The following RBMS1 variants were observed in gnomAD, a reference collection of about 807,000 sequenced individuals.
RBMS1 encodes RNA binding motif single stranded interacting protein 1, also known as RNA-binding motif, single-stranded-interacting protein 1.
RBMS1 carries 17 observed loss-of-function variants against 62.3 expected under a neutral mutation model. The observed-to-expected ratio is 0.27, with a 90% CI of 0.19 to 0.41. The LOEUF (loss-of-function observed/expected upper bound fraction) is 0.41. Ranked by LOEUF, RBMS1 falls within the 10% of genes least tolerant of loss-of-function variation. The probability of loss-of-function intolerance (pLI) is 1.00; values close to 1 mark genes in which losing one functional copy is unlikely to be tolerated. For missense variants in RBMS1, 334 were observed against 504.5 expected (o/e 0.66, Z 3.24); for synonymous variants, 172 against 170.0 (o/e 1.01, Z -0.09).
Position 160,315,942 on chromosome 2 carries a change from G to A in RBMS1, c.310+2227C>T, listed in dbSNP as rs564042166. Among the ~76,000 whole-genome samples, 118 of 152,118 alleles carry A rather than the reference G, an allele frequency of 7.8e-4. 1 individual carries two copies. The highest frequency in any genetic ancestry group is 1.3e-3 in the Non-Finnish European group (90 of 67,974). On this transcript the variant is annotated intron_variant, in intron 3 of 13. Transcript: ENST00000348849. ...TACATGTTCCAAAAATATGTTTTGTGGCAAAAAATGTTCTGTAACCCTCTA... is the reference window on the plus strand; with the variant it reads ...TACATGTTCCAAAAATATGTTTTGTAGCAAAAAATGTTCTGTAACCCTCTA...
At chr2:160,493,146 G>T (rs1685923967) in intron 1 of RBMS1, 143 bp downstream of exon 1, 7 of 805,204 alleles carry the variant, frequency 8.7e-6, no homozygotes, top group Non-Finnish European at 1.3e-5. Context: ...CTCTGCCCAG[G>T]CCAGCGCTAT....
At chr2:160,479,005 TG>T (rs1163195469) in intron 1 of RBMS1, among the ~76,000 whole-genome samples, 2 of 152,174 alleles carry the variant, frequency 1.3e-5, no homozygotes, top group African/African-American at 4.8e-5. Flanking sequence ...ACGAAAGGGT[TG>T]GCTTCAACAG....
At chr2:160,453,610 C>T (rs541486525) in intron 1 of RBMS1, among the ~76,000 whole-genome samples, 2 of 152,250 alleles carry the variant, frequency 1.3e-5, no homozygotes, top group Non-Finnish European at 2.9e-5. Flanking sequence ...CCTCACTCAA[C>T]AATGCATTGC....
intron 1 of RBMS1, among the ~76,000 whole-genome samples, chr2:160,374,950 G>A (rs1051129362): frequency 2.6e-5 from 4 of 151,716 alleles, no homozygotes; most frequent in African/African-American, 4.8e-5. Context: ...ACGGTGGGGG[G>A]GAGGAATTGA....
intron 1 of RBMS1, among the ~76,000 whole-genome samples, chr2:160,422,201 G>C (rs2105270986): frequency 6.6e-6 from 1 of 152,258 alleles, no homozygotes; most frequent in African/African-American, 2.4e-5. Flanking sequence ...TTCTTCTAAT[G>C]CCCACCTTTT....
chr2:160,337,237 G>A lies in RBMS1; in HGVS notation c.252-19010C>T, dbSNP rs912095232. ...CAACCTCCACCTCCTGGGTTCAAGC[G>A]ATCCTCCTGCCTCAGCCTCCTGAAT... On this transcript the variant is annotated intron_variant, in intron 2 of 13. Coordinates refer to ENST00000348849, the MANE Select transcript of RBMS1 (RefSeq NM_016836.4). 2.7e-5 allele frequency among the ~76,000 whole-genome samples: 4 copies of A among 150,622 alleles called. No individual in the cohort carries two copies. The East Asian group carries it at 7.9e-4, about 30-fold the overall frequency.
At chr2:160,349,839 GA>G (rs1692395369) in intron 2 of RBMS1, among the ~76,000 whole-genome samples, 1 of 147,212 alleles carries the variant, frequency 6.8e-6, no homozygotes, top group African/African-American at 2.5e-5. Flanking sequence ...TGGGGGGGTG[GA>G]GGGGGGTTGA....
rs1687785336 is a variant in RBMS1, at chr2:160,275,475, T to C, written c.*7+155A>G. ...ATTAATCTTAAATTCATAAAATCAC[T>C]GATTTTAATATTTCAACAAGACTAG... On this transcript the variant is annotated intron_variant, in intron 13 of 13. Coordinates refer to ENST00000348849, the MANE Select transcript of RBMS1 (RefSeq NM_016836.4). 4 of 1,298,656 alleles carry C rather than the reference T, an allele frequency of 3.1e-6. No homozygotes were observed. In the East Asian group the frequency reaches 1.0e-4, roughly 34 times the overall value. The allele number at this position is 1,298,656 out of a possible 1,614,324, so 80.4% of individuals were successfully genotyped here.
chr2:160,322,720 T>C (rs1029113877), intron 2 of RBMS1, among the ~76,000 whole-genome samples: 23 of 152,158 alleles, frequency 1.5e-4, no homozygotes, highest in African/African-American at 5.3e-4. Flanking sequence ...TTATACCACT[T>C]CCAGCACAAG....
At chr2:160,493,175 A>G (rs2105372856) in intron 1 of RBMS1, 114 bp downstream of exon 1, 1 of 1,046,406 alleles carries the variant, frequency 9.6e-7, no homozygotes, top group African/African-American at 1.6e-5. Context: ...ACCTTCCAGC[A>G]ACTCCGCCCG....
At chr2:160,389,682 A>C (rs997140524) in intron 1 of RBMS1, among the ~76,000 whole-genome samples, 9 of 134,630 alleles carry the variant, frequency 6.7e-5, no homozygotes, top group South Asian at 5.5e-4. Flanking sequence ...TAGGCAACAG[A>C]GCAAGACTCT....
intron 9 of RBMS1, chr2:160,284,448 C>T (rs369706417): frequency 1.7e-5 from 6 of 346,320 alleles, no homozygotes; most frequent in East Asian, 7.0e-5. Flanking sequence ...TTATATCTAA[C>T]GGCAATTATC....
At chr2:160,288,494 T>C (rs1049482953) in intron 6 of RBMS1, among the ~76,000 whole-genome samples, 1 of 152,198 alleles carries the variant, frequency 6.6e-6, no homozygotes, top group Non-Finnish European at 1.5e-5. Flanking sequence ...GGCTGCTGCC[T>C]GGCACTCCTT....
intron 1 of RBMS1, among the ~76,000 whole-genome samples, chr2:160,440,170 G>A (rs915616871): frequency 5.3e-5 from 8 of 151,120 alleles, no homozygotes; most frequent in Admixed American, 2.0e-4. Context: ...GTGCAGTGGC[G>A]TGATCTCGGC....
chr2:160,396,550 C>CT (rs59600753), intron 1 of RBMS1, among the ~76,000 whole-genome samples: 1,499 of 77,842 alleles, frequency 0.019, 93 homozygotes, highest in Non-Finnish European at 0.021. Flanking sequence ...TTCTTTTTAT[C>CT]TTTTTTTTTT....
At chr2:160,468,437 TC>T (rs1459644499) in intron 1 of RBMS1, among the ~76,000 whole-genome samples, 1 of 152,218 alleles carries the variant, frequency 6.6e-6, no homozygotes, top group Non-Finnish European at 1.5e-5. Flanking sequence ...TGCACCCTGC[TC>T]CAATCTTGAG....
chr2:160,435,042 T>C (rs1683057198), intron 1 of RBMS1, among the ~76,000 whole-genome samples: 1 of 152,180 alleles, frequency 6.6e-6, no homozygotes, highest in South Asian at 2.1e-4. Context: ...GACTGGTATT[T>C]TAGCCAGGGC....
intron 1 of RBMS1, among the ~76,000 whole-genome samples, chr2:160,368,998 C>T (rs1003160251): frequency 6.6e-6 from 1 of 152,152 alleles, no homozygotes; most frequent in African/African-American, 2.4e-5. Context: ...ATTCTTCCTT[C>T]CACTGCCCAG....
chr2:160,443,079 AC>A (rs1266178981), intron 1 of RBMS1, among the ~76,000 whole-genome samples: 1 of 151,912 alleles, frequency 6.6e-6, no homozygotes, highest in Non-Finnish European at 1.5e-5. Flanking sequence ...GGTGGCGGGC[AC>A]CTGTAATCCC....
Sources: allele counts gnomAD v4.1 joint callset (sites outside exome capture counted in the v4.1 genomes callset), GRCh38; gene constraint gnomAD v4.1.1; transcripts MANE v1.5; gene names NCBI Gene and HGNC (gene_info 2026-07-23, HGNC 2026-07-21).